Variants in MAP3K6 observed in about 807,000 individuals in gnomAD.
MAP3K6 encodes the protein apoptosis signal-regulating kinase 2.
A neutral mutation model predicts 147.1 loss-of-function variants in MAP3K6; 105 were observed. The ratio of observed to expected loss-of-function variants is 0.71; its 90% CI spans 0.61 to 0.84. The LOEUF is 0.84. Ranked by LOEUF, MAP3K6 falls within the 40% of genes least tolerant of loss-of-function variation. The probability of loss-of-function intolerance (pLI) is 0.00; values close to 1 mark genes in which losing one functional copy is unlikely to be tolerated. For missense variants in MAP3K6, 1,569 were observed against 1,715.0 expected (o/e 0.91, Z 1.50); for synonymous variants, 695 against 732.4 (o/e 0.95, Z 0.82).
chr1:27,362,299 T>C, intron 8 of MAP3K6, 49 bp from the exon 9 acceptor site: 1 of 1,550,468 alleles, frequency 6.4e-7, no homozygotes, highest in Non-Finnish European at 8.7e-7. Context: ...CAGGGGTGAG[T>C]GAGGCCCACC....
intron 21 of MAP3K6, 96 bp from the exon 22 acceptor site, chr1:27,357,972 C>T: frequency 6.8e-7 from 1 of 1,479,294 alleles, no homozygotes; most frequent in Non-Finnish European, 8.9e-7. Flanking sequence ...ACTTTTATGC[C>T]TACCTCACAG....
chr1:27,355,804 C>A, intron 27 of MAP3K6, 59 bp from the exon 28 acceptor site: 1 of 1,520,802 alleles, frequency 6.6e-7, no homozygotes, highest in South Asian at 1.1e-5. Context: ...AAAGATGTGT[C>A]GAGACCCAGG....
rs1413908389 is a variant in MAP3K6, at chr1:27,362,311, T to C, written c.1256-61A>G. On this transcript the variant is annotated intron_variant, in intron 8 of 28. Transcript: ENST00000357582. Reference sequence around the variant, plus strand: ...GTGCAGGGGTGAGTGAGGCCCACCATTTCTGTGGGCCCGAGTGTGGACATG... The same window carrying C: ...GTGCAGGGGTGAGTGAGGCCCACCACTTCTGTGGGCCCGAGTGTGGACATG... The C allele has an allele frequency of 2.0e-6, 3 of 1,504,968 alleles. No homozygotes were observed. In the Admixed American group the frequency reaches 5.9e-5, roughly 29 times the overall value. 93.2% of individuals were successfully genotyped at this position (1,504,968 alleles called of 1,614,324 possible). A position where few individuals can be genotyped will look rare whatever the true frequency, so the allele number is the denominator to read the frequency against.
Position 27,363,935 on chromosome 1 carries a change from G to C in MAP3K6, c.846C>G (p.Leu282=), listed in dbSNP as rs771868100. The C allele has an allele frequency of 3.1e-6, 5 of 1,601,474 alleles. No individual in the cohort carries two copies. Among genetic ancestry groups the C allele is most frequent in the Non-Finnish European group, 4.3e-6 (5 of 1,175,716 alleles). Residue 282 remains leucine, a synonymous_variant, in exon 5 of 29, where the codon CTC becomes CTG. Coordinates refer to ENST00000357582, the MANE Select transcript of MAP3K6 (RefSeq NM_004672.5). ...CACGCACCTGCACATCGCGGTAGGA[G>C]AGCAGCAAGTTCATGATGATGTCGG... The part of the protein sequence containing the change: ...LSPDIIMNLL[L]SYRDVQDYSA...
Position 27,358,108 on chromosome 1 carries a change from G to T in MAP3K6, c.2915+73C>A. The T allele has an allele frequency of 2.0e-6, 3 of 1,522,428 alleles. No homozygotes were observed. The highest frequency in any genetic ancestry group is 2.6e-6 in the Non-Finnish European group (3 of 1,138,636). 94.3% of individuals were successfully genotyped at this position (1,522,428 alleles called of 1,614,324 possible). A position where few individuals can be genotyped will look rare whatever the true frequency, so the allele number is the denominator to read the frequency against. On this transcript the variant is annotated intron_variant, in intron 21 of 28. Transcript: ENST00000357582. This position sits in a 1 kb window ranked among gnomAD's most constrained non-coding sequence, Gnocchi z 6.2. The stretch of plus-strand genomic sequence containing the variant: ...TGGTCAAGGTGCCCAGGTCCCCAGG[G>T]AGGGCTTTTGTAGGAGAGGAGAAAA...
At position 27,356,447 on chromosome 1, in the gene MAP3K6, C is replaced by T; in HGVS notation, c.3578G>A (p.Arg1193Gln). The T allele has an allele frequency of 6.2e-7, 1 of 1,613,888 alleles. No homozygotes were observed. The highest frequency in any genetic ancestry group is 8.5e-7 in the Non-Finnish European group (1 of 1,179,986). ...TTCCTCATTCAGCCGCTGTAGAGCC[C>T]GCTGCACCAGGGCCTGGTACTCCCG... ...KEREYQALVQ[R>Q]ALQRLNEEAR... is the part of the protein sequence containing the mutation. Residue 1193 changes from arginine to glutamine, a missense_variant, in exon 26 of 29, where the codon CGG (arginine) becomes CAG (glutamine). Coordinates refer to ENST00000357582, the MANE Select transcript of MAP3K6 (RefSeq NM_004672.5).
At chr1:27,363,797 A>T in intron 5 of MAP3K6, 120 bp downstream of exon 5, 1 of 1,026,350 alleles carries the variant, frequency 9.7e-7, no homozygotes, top group Non-Finnish European at 1.4e-6. Context: ...GCCAACACTC[A>T]GAGACATTGG....
At chr1:27,355,801 T>G in intron 27 of MAP3K6, 56 bp from the exon 28 acceptor site, 3 of 1,526,684 alleles carry the variant, frequency 2.0e-6, no homozygotes, top group Non-Finnish European at 2.7e-6. Context: ...CAGAAAGATG[T>G]GTCGAGACCC....
Position 27,359,330 on chromosome 1 carries a change from C to T in MAP3K6, c.2425+87G>A. On this transcript the variant is annotated intron_variant, in intron 18 of 28. Coordinates refer to ENST00000357582, the MANE Select transcript of MAP3K6 (RefSeq NM_004672.5). This position sits in a 1 kb window ranked among gnomAD's most constrained non-coding sequence, Gnocchi z 4.4. ...CCCCATTAGGACTCTAACTCCATGC[C>T]TAGGAGAAACCCCCTTCCCTGGAAA... 2 of 1,592,534 alleles carry T rather than the reference C, an allele frequency of 1.3e-6. No homozygotes were observed. The highest frequency in any genetic ancestry group is 1.7e-6 in the Non-Finnish European group (2 of 1,164,776).
In MAP3K6 at chr1:27,358,943, C is replaced by G; in HGVS notation, c.2426-77G>C. The G allele has an allele frequency of 6.9e-7, 1 of 1,441,762 alleles. No individual in the cohort carries two copies. Among genetic ancestry groups the G allele is most frequent in the Non-Finnish European group, 9.4e-7 (1 of 1,067,508 alleles). The allele number at this position is 1,441,762 out of a possible 1,614,324, so 89.3% of individuals were successfully genotyped here. ...GGAGCAGGGAGGGGAATGCCGTCAT[C>G]CTCAGGCCGACTGCACCCATACTGA... On this transcript the variant is annotated intron_variant, in intron 18 of 28. Coordinates refer to ENST00000357582, the MANE Select transcript of MAP3K6 (RefSeq NM_004672.5). The surrounding 1 kb of genome is among the most constrained non-coding windows in gnomAD (Gnocchi z 6.2).
At chr1:27,357,929 C>T (rs2015597111) in intron 21 of MAP3K6, 53 bp from the exon 22 acceptor site, 2 of 1,520,814 alleles carry the variant, frequency 1.3e-6, no homozygotes, top group Non-Finnish European at 8.8e-7. Flanking sequence ...CGGCCAGTCA[C>T]CTCTGTTGCC....
At chr1:27,362,313 T>C in intron 8 of MAP3K6, 63 bp from the exon 9 acceptor site, 1 of 1,498,854 alleles carries the variant, frequency 6.7e-7, no homozygotes, top group Non-Finnish European at 9.1e-7. Context: ...GCCCACCATT[T>C]CTGTGGGCCC....
chr1:27,361,036 G>C, intron 13 of MAP3K6, 28 bp from the exon 14 acceptor site: 1 of 1,547,494 alleles, frequency 6.5e-7, no homozygotes, highest in East Asian at 2.4e-5. Context: ...CAGACCCGCG[G>C]GAGGGGCATC....
In MAP3K6 at chr1:27,364,280, C is replaced by T; in HGVS notation, c.619G>A (p.Val207Met). The T allele has an allele frequency of 6.2e-7, 1 of 1,613,888 alleles. No individual in the cohort carries two copies. Among genetic ancestry groups the T allele is most frequent in the South Asian group, 1.1e-5 (1 of 91,088 alleles). ...GGAGTGAGCAGGGCCTCGGTCCCCA[C>T]TCCAGCCTGTACCAGCCCATCAGCC... Reference protein sequence around the residue: ...GLADGLVQAGVGTEALLTPLV... With the variant: ...GLADGLVQAGMGTEALLTPLV... Residue 207 changes from valine to methionine, a missense_variant, in exon 4 of 29, where the codon GTG becomes ATG. Transcript: ENST00000357582. This position sits in a 1 kb window ranked among gnomAD's most constrained non-coding sequence, Gnocchi z 4.4.
At position 27,363,973 on chromosome 1, in the gene MAP3K6, C is replaced by CCACG. The variant is rs780675921; in HGVS notation, c.804_807dup (p.Glu270ArgfsTer27). ...ATGATGATGTCGGGGCTCAGCAGCT[C>CCACG]CACGCTGTCCAGTCTCCGCTGCAGG... On this transcript the variant is annotated frameshift_variant, in exon 5 of 29. Coordinates refer to ENST00000357582, the MANE Select transcript of MAP3K6 (RefSeq NM_004672.5). LOFTEE classifies it high-confidence loss of function. The CCACG allele has an allele frequency of 6.2e-7, 1 of 1,610,300 alleles. No homozygotes were observed. Among genetic ancestry groups the CCACG allele is most frequent in the Non-Finnish European group, 8.5e-7 (1 of 1,179,814 alleles).
chr1:27,358,298 G>A lies in MAP3K6; in HGVS notation c.2798C>T (p.Thr933Ile), dbSNP rs762827968. The A allele has an allele frequency of 3.1e-6, 5 of 1,609,414 alleles. No homozygotes were observed. Among genetic ancestry groups the A allele is most frequent in the Non-Finnish European group, 3.4e-6 (4 of 1,178,746 alleles). ...RPSDAPSASP[T>I]PSANSTTQSQ... ...CTGGGTGGTTGAGTTGGCTGAAGGAGTGGGACTGGCAGAAGGGGCATCTGA... is the reference window on the plus strand; with the variant it reads ...CTGGGTGGTTGAGTTGGCTGAAGGAATGGGACTGGCAGAAGGGGCATCTGA... The change falls in exon 21 of 29, where the codon ACT (threonine) becomes ATT (isoleucine). Residue 933 changes from threonine to isoleucine, a missense_variant. Physicochemically the swap from Thr to Ile is moderately conservative, Grantham distance 89 (BLOSUM62 -1). Coordinates refer to ENST00000357582, the MANE Select transcript of MAP3K6 (RefSeq NM_004672.5). The surrounding 1 kb of genome is among the most constrained non-coding windows in gnomAD (Gnocchi z 6.2).
At position 27,357,500 on chromosome 1, in the gene MAP3K6, C is replaced by T. The variant is rs764513259; in HGVS notation, c.3158G>A (p.Arg1053Gln). ...CGCCCGCAGCTCCTGGGCGAGCTGC[C>T]GGCGGTTGGGAGTGTGGATGTGTGC... ...LGAHIHTPNR[R>Q]QLAQELRALQ... The change falls in exon 23 of 29, where the codon CGG (arginine) becomes CAG (glutamine). Residue 1053 changes from arginine (R) to glutamine (Q), a missense_variant. Physicochemically the swap from Arg to Gln is conservative, Grantham distance 43 (BLOSUM62 1). Coordinates refer to ENST00000357582, the MANE Select transcript of MAP3K6 (RefSeq NM_004672.5). 3 of 1,613,340 alleles carry T rather than the reference C, an allele frequency of 1.9e-6. No individual in the cohort carries two copies. Among genetic ancestry groups the T allele is most frequent in the Non-Finnish European group, 1.7e-6 (2 of 1,179,868 alleles).
rs1571082422 is a variant in MAP3K6, at chr1:27,366,914, T to A, written c.-317A>T. On this transcript the variant is annotated 5_prime_UTR_variant, in exon 1 of 29. Coordinates refer to ENST00000357582, the MANE Select transcript of MAP3K6 (RefSeq NM_004672.5). This position sits in a 1 kb window ranked among gnomAD's most constrained non-coding sequence, Gnocchi z 5.5. ...AATCGGCTCGGAGGTGCCCGCCACCTGGACTTCTCAAGGGAGCGCCCGCCA... is the reference window on the plus strand; with the variant it reads ...AATCGGCTCGGAGGTGCCCGCCACCAGGACTTCTCAAGGGAGCGCCCGCCA... 1 of 153,104 alleles carries A rather than the reference T, an allele frequency of 6.5e-6. No homozygotes were observed. Among genetic ancestry groups the A allele is most frequent in the Non-Finnish European group, 1.5e-5 (1 of 68,706 alleles). 9.5% of individuals were successfully genotyped at this position (153,104 alleles called of 1,614,324 possible). A position where few individuals can be genotyped will look rare whatever the true frequency, so the allele number is the denominator to read the frequency against.
At position 27,364,389 on chromosome 1, in the gene MAP3K6, G is replaced by C. The variant is rs200087701; in HGVS notation, c.510C>G (p.Cys170Trp). The C allele has an allele frequency of 1.2e-6, 2 of 1,613,812 alleles. No homozygotes were observed. Among genetic ancestry groups the C allele is most frequent in the Non-Finnish European group, 1.7e-6 (2 of 1,179,890 alleles). Residue 170 changes from cysteine (C) to tryptophan (W), a missense_variant, in exon 4 of 29, where the codon TGC becomes TGG. Physicochemically the swap from Cys to Trp is radical, Grantham distance 215. Transcript: ENST00000357582. The surrounding 1 kb of genome is among the most constrained non-coding windows in gnomAD (Gnocchi z 4.4). ...AGGGGATCAGTGTGTAGCTGCCAAC[G>C]CAATCCTGGTGGGAGGGAGGCAGGA... ...REDVFQKNSD[C>W]VGSYTLIPYV...
Sources: gnomAD v4.1 joint callset for allele counts on GRCh38, gnomAD v4.1.1 for gene constraint, Gnocchi (gnomAD v3.1) non-coding constraint, MANE v1.5 for transcripts, NCBI Gene and HGNC (gene_info 2026-07-23, HGNC 2026-07-21) for gene names.